PEAK1: variants seen among roughly 807,000 people sequenced by gnomAD.
The protein encoded by PEAK1 is inactive tyrosine-protein kinase PEAK1.
PEAK1 carries 54 observed loss-of-function variants against 124.7 expected under a neutral mutation model. The observed-to-expected ratio is 0.43, with a 90% CI of 0.35 to 0.54. The LOEUF is 0.54. Among genes scored for constraint, PEAK1 ranks in the 20% least tolerant of loss-of-function variants. The pLI is 0.01. For synonymous variants in PEAK1, 719 were observed against 760.0 expected, an observed-to-expected ratio of 0.95 and a Z score of 0.89; for missense variants, 2,046 against 2,134.5, an observed-to-expected ratio of 0.96 and a Z score of 0.82.
chr15:77,196,250 C>A (rs2058097501), intron 6 of PEAK1, among the ~76,000 whole-genome samples: 1 of 152,192 alleles, frequency 6.6e-6, no homozygotes, highest in African/African-American at 2.4e-5. Context: ...AATGGCAATC[C>A]TGCACGACAG....
intron 1 of PEAK1, chr15:77,402,212 G>A: frequency 2.0e-6 from 2 of 980,728 alleles, no homozygotes; most frequent in Non-Finnish European, 2.4e-6. Flanking sequence ...CTTCCCTTGT[G>A]CCTAAGTACA....
chr15:77,212,407 A>G (rs2058945080), intron 6 of PEAK1, among the ~76,000 whole-genome samples: 1 of 152,212 alleles, frequency 6.6e-6, no homozygotes, highest in South Asian at 2.1e-4. Flanking sequence ...GAAAATAAAA[A>G]ATTAGCCTTG....
At chr15:77,333,115 T>A (rs1440711644) in intron 2 of PEAK1, 1 of 982,238 alleles carries the variant, frequency 1.0e-6, no homozygotes, top group African/African-American at 1.7e-5. Flanking sequence ...TGGTATTTGA[T>A]ACATAATTTT....
chr15:77,185,784 T>C lies in PEAK1; in HGVS notation c.-114-3744A>G, dbSNP rs75723477. 2.4e-3 allele frequency among the ~76,000 whole-genome samples: 361 copies of C among 152,232 alleles called. 2 individuals are homozygous for C. Among genetic ancestry groups the C allele is most frequent in the East Asian group, 6.2e-3 (32 of 5,192 alleles). ...ACCTAGATAATGTTGAATGGTAATA[T>C]TGGGGAAAGATACAGGCCAGGGTGA... On this transcript the variant is annotated intron_variant, in intron 6 of 9. Coordinates refer to ENST00000682557, the MANE Select transcript of PEAK1 (RefSeq NM_001385026.1).
chr15:77,365,090 AT>A (rs1349072772), intron 2 of PEAK1, 72 bp downstream of exon 2: 1 of 551,752 alleles, frequency 1.8e-6, no homozygotes, highest in East Asian at 1.5e-4. Flanking sequence ...ATTGCCTTAA[AT>A]TTTTTCAAAA....
intron 2 of PEAK1, among the ~76,000 whole-genome samples, chr15:77,301,801 T>C (rs886781143): frequency 1.3e-5 from 2 of 152,190 alleles, no homozygotes; most frequent in East Asian, 1.9e-4. Context: ...CCTCACTCCA[T>C]TGAGGGTGGA....
chr15:77,403,274 T>C (rs1399663997), intron 1 of PEAK1: 9 of 984,210 alleles, frequency 9.1e-6, no homozygotes, highest in African/African-American at 3.5e-5. Flanking sequence ...AGATTTCAAA[T>C]TGTTTACTCT....
At chr15:77,224,341 A>G (rs1022820940) in intron 6 of PEAK1, among the ~76,000 whole-genome samples, 2 of 152,034 alleles carry the variant, frequency 1.3e-5, no homozygotes, top group Non-Finnish European at 2.9e-5. Flanking sequence ...TTAGAATTCA[A>G]TGTTCACATT....
At chr15:77,221,806 C>G (rs1349198255) in intron 6 of PEAK1, among the ~76,000 whole-genome samples, 2 of 152,072 alleles carry the variant, frequency 1.3e-5, no homozygotes, top group African/African-American at 4.8e-5. Context: ...TGATAATCTG[C>G]AGGAATTTTG....
chr15:77,181,404 T>C lies in PEAK1; in HGVS notation c.523A>G (p.Thr175Ala). The C allele has an allele frequency of 6.2e-7, 1 of 1,614,158 alleles. No individual in the cohort carries two copies. Among genetic ancestry groups the C allele is most frequent in the Non-Finnish European group, 8.5e-7 (1 of 1,180,008 alleles). ...CAATCATTTATTCTTCCCAAGAATG[T>C]TTCTCTGGAGTTTGTTTCATTTCCT... ...IRGNETNSRE[T>A]FLGRINDCYK... Residue 175 changes from threonine to alanine, a missense_variant, in exon 7 of 10, where the codon ACA becomes GCA. Thr to Ala is a moderately conservative substitution (Grantham distance 58, BLOSUM62 0). Coordinates refer to ENST00000682557, the MANE Select transcript of PEAK1 (RefSeq NM_001385026.1).
intron 6 of PEAK1, among the ~76,000 whole-genome samples, chr15:77,234,156 T>C (rs2060018138): frequency 6.6e-6 from 1 of 152,236 alleles, no homozygotes; most frequent in African/African-American, 2.4e-5. Context: ...CATGAGCCAC[T>C]GTGCCCACAC....
At chr15:77,382,810 GA>G (rs1179012968) in intron 1 of PEAK1, among the ~76,000 whole-genome samples, 2 of 152,026 alleles carry the variant, frequency 1.3e-5, no homozygotes, top group Admixed American at 1.3e-4. Flanking sequence ...GAATCCAAAT[GA>G]AATTAAATAC....
chr15:77,160,460 G>T (rs987354916), intron 7 of PEAK1, among the ~76,000 whole-genome samples: 2 of 151,982 alleles, frequency 1.3e-5, no homozygotes, highest in Non-Finnish European at 2.9e-5. Flanking sequence ...GGCGGATCAC[G>T]AGGTCAAGAG....
At chr15:77,279,520 TG>T (rs1339899043) in intron 5 of PEAK1, among the ~76,000 whole-genome samples, 10 of 152,204 alleles carry the variant, frequency 6.6e-5, no homozygotes, top group Non-Finnish European at 1.5e-5. Flanking sequence ...AAAGGAGCAG[TG>T]GTTCCATTTC....
chr15:77,212,807 TAG>T (rs1325457769), intron 6 of PEAK1, among the ~76,000 whole-genome samples: 5 of 152,218 alleles, frequency 3.3e-5, no homozygotes, highest in African/African-American at 4.8e-5. Flanking sequence ...TGGCTTTTTA[TAG>T]AGTGATATGA....
intron 5 of PEAK1, among the ~76,000 whole-genome samples, chr15:77,253,776 C>T (rs1250313513): frequency 6.6e-6 from 1 of 151,962 alleles, no homozygotes; most frequent in East Asian, 1.9e-4. Flanking sequence ...GTATTTAATG[C>T]TTCTTTTGTT....
At chr15:77,335,769 G>T (rs2066161285) in intron 2 of PEAK1, 2 of 984,044 alleles carry the variant, frequency 2.0e-6, no homozygotes, top group Non-Finnish European at 2.4e-6. Flanking sequence ...CAGATTACAG[G>T]TGTGAGTCAC....
At chr15:77,242,490 T>C (rs1170149636) in intron 6 of PEAK1, among the ~76,000 whole-genome samples, 5 of 152,118 alleles carry the variant, frequency 3.3e-5, no homozygotes, top group Non-Finnish European at 7.4e-5. Context: ...TCAAAGTGCA[T>C]GTCTTTGAGG....
intron 6 of PEAK1, among the ~76,000 whole-genome samples, chr15:77,225,633 G>A (rs1000917162): frequency 1.7e-4 from 20 of 118,782 alleles, no homozygotes; most frequent in Non-Finnish European, 3.1e-4. Context: ...CTACAGATGT[G>A]TGTGTGTGTG....
Sources: allele counts gnomAD v4.1 joint callset (sites outside exome capture counted in the v4.1 genomes callset), GRCh38; gene constraint gnomAD v4.1.1; transcripts MANE v1.5; gene names NCBI Gene and HGNC (gene_info 2026-07-23, HGNC 2026-07-21).